The following SMAP1 variants were observed in gnomAD, a reference collection of about 807,000 sequenced individuals.
The protein encoded by SMAP1 is stromal membrane-associated protein 1.
Under a neutral mutation model 58.5 loss-of-function variants are expected in SMAP1, and 24 were observed. That is an observed-to-expected ratio of 0.41 (90% CI 0.30 to 0.58). The LOEUF is 0.58. SMAP1 is among the 20% of genes least tolerant of loss of function. The pLI, the probability that SMAP1 is intolerant of heterozygous loss-of-function variation, is 0.29. For synonymous variants in SMAP1, 216 were observed against 196.6 expected (o/e 1.10, Z -0.82); for missense variants, 563 against 566.3 (o/e 0.99, Z 0.06).
At chr6:70,762,370 C>G (rs1485029334) in intron 3 of SMAP1, among the ~76,000 whole-genome samples, 1 of 152,044 alleles carries the variant, frequency 6.6e-6, no homozygotes, top group Non-Finnish European at 1.5e-5. Flanking sequence ...CCAACTGTCC[C>G]ACAAAGCCTA....
intron 1 of SMAP1, among the ~76,000 whole-genome samples, chr6:70,710,095 G>A (rs1371474764): frequency 1.3e-5 from 2 of 152,078 alleles, no homozygotes; most frequent in Admixed American, 1.3e-4. Flanking sequence ...CGACAAACCT[G>A]TACAGCCTGT....
intron 6 of SMAP1, among the ~76,000 whole-genome samples, chr6:70,808,737 ATAAT>A (rs1769253948): frequency 6.6e-6 from 1 of 152,334 alleles, no homozygotes; most frequent in South Asian, 2.1e-4. Flanking sequence ...AGATAGCTAC[ATAAT>A]TAGTTTTTAT....
chr6:70,812,042 C>T (rs764452096), intron 6 of SMAP1, among the ~76,000 whole-genome samples: 7 of 152,108 alleles, frequency 4.6e-5, no homozygotes, highest in African/African-American at 1.2e-4. Flanking sequence ...TACTCAGAAC[C>T]GTGTGTAATT....
chr6:70,804,369 T>C (rs1334976294), intron 6 of SMAP1, among the ~76,000 whole-genome samples: 2 of 152,068 alleles, frequency 1.3e-5, no homozygotes, highest in Admixed American at 6.6e-5. Context: ...ATCCCTTTAT[T>C]TTGAGCCTAT....
At chr6:70,678,573 A>G (rs191884529) in intron 1 of SMAP1, among the ~76,000 whole-genome samples, 85 of 152,332 alleles carry the variant, frequency 5.6e-4, no homozygotes, top group African/African-American at 2.0e-3. Flanking sequence ...AAAAAATCCT[A>G]CAAACTGAAT....
At chr6:70,697,667 AT>A (rs1417083869) in intron 1 of SMAP1, among the ~76,000 whole-genome samples, 8 of 151,802 alleles carry the variant, frequency 5.3e-5, no homozygotes, top group Non-Finnish European at 1.2e-4. Context: ...ATTGCTTTTT[AT>A]TTTTTATGTA....
At chr6:70,824,293 T>C (rs1261039850) in intron 6 of SMAP1, among the ~76,000 whole-genome samples, 1 of 152,120 alleles carries the variant, frequency 6.6e-6, no homozygotes, top group Admixed American at 6.5e-5. Flanking sequence ...ATTTCAGCAG[T>C]CATAAGGTCA....
At chr6:70,824,481 CTG>C (rs1770029789) in intron 6 of SMAP1, among the ~76,000 whole-genome samples, 1 of 151,970 alleles carries the variant, frequency 6.6e-6, no homozygotes, top group Non-Finnish European at 1.5e-5. Flanking sequence ...TCCACAGTCT[CTG>C]TACTTATGAA....
intron 3 of SMAP1, among the ~76,000 whole-genome samples, chr6:70,765,405 C>A (rs1013470613): frequency 6.6e-5 from 10 of 152,162 alleles, no homozygotes; most frequent in African/African-American, 2.2e-4. Context: ...AGACCCATAA[C>A]ATGTCTAATA....
intron 4 of SMAP1, among the ~76,000 whole-genome samples, chr6:70,775,077 G>A (rs1767493768): frequency 6.6e-6 from 1 of 152,012 alleles, no homozygotes; most frequent in African/African-American, 2.4e-5. Context: ...ATATCCTTGT[G>A]TGTAGCATTG....
chr6:70,751,191 G>C (rs1449233945), intron 2 of SMAP1, among the ~76,000 whole-genome samples: 1 of 152,190 alleles, frequency 6.6e-6, no homozygotes, highest in Non-Finnish European at 1.5e-5. Context: ...AGTGAGCCAA[G>C]ATTGTGCCAC....
intron 1 of SMAP1, among the ~76,000 whole-genome samples, chr6:70,672,503 T>G (rs1346271335): frequency 6.6e-6 from 1 of 152,242 alleles, no homozygotes; most frequent in Non-Finnish European, 1.5e-5. Context: ...CTGAATCTTT[T>G]ATTGCACTTA....
chr6:70,804,414 A>G (rs1329392120), intron 6 of SMAP1, among the ~76,000 whole-genome samples: 1 of 151,476 alleles, frequency 6.6e-6, no homozygotes, highest in Non-Finnish European at 1.5e-5. Flanking sequence ...TCTCCTGAAT[A>G]CAGCACGCTG....
At chr6:70,846,092 A>T (rs559970591) in intron 7 of SMAP1, among the ~76,000 whole-genome samples, 5 of 152,284 alleles carry the variant, frequency 3.3e-5, no homozygotes, top group Admixed American at 6.5e-5. Context: ...TTTACAGGAG[A>T]AGGATCAGCT....
intron 3 of SMAP1, among the ~76,000 whole-genome samples, chr6:70,765,737 AT>A (rs1218348203): frequency 2.6e-5 from 4 of 151,278 alleles, no homozygotes; most frequent in African/African-American, 9.7e-5. Flanking sequence ...TTTATTTTTT[AT>A]TTATTTTTAT....
intron 5 of SMAP1, among the ~76,000 whole-genome samples, chr6:70,792,187 A>G (rs540018587): frequency 6.6e-6 from 1 of 152,310 alleles, no homozygotes; most frequent in East Asian, 1.9e-4. Flanking sequence ...TTATGGGATA[A>G]TGAGTTCAGA....
Position 70,736,094 on chromosome 6 carries a change from T to TG in SMAP1, c.252+3583_252+3584insG, listed in dbSNP as rs1765607096. On this transcript the variant is annotated intron_variant, in intron 2 of 10. Transcript: ENST00000370455. ...ATAAACTGATATTATATGTACCATA[T>TG]TTTTATCTGTTATTTATGTATATGT... is the stretch of plus-strand genomic sequence containing the variant. 2.0e-5 allele frequency among the ~76,000 whole-genome samples: 3 copies of TG among 152,298 alleles called. No homozygotes were observed. In the South Asian group the frequency reaches 6.2e-4, roughly 32 times the overall value.
intron 1 of SMAP1, among the ~76,000 whole-genome samples, chr6:70,705,720 GAC>G (rs1250058494): frequency 6.6e-6 from 1 of 152,184 alleles, no homozygotes; most frequent in African/African-American, 2.4e-5. Flanking sequence ...GGAGGGGAGT[GAC>G]AGGTATAGCG....
At chr6:70,669,935 C>G (rs1301647812) in intron 1 of SMAP1, among the ~76,000 whole-genome samples, 10 of 151,680 alleles carry the variant, frequency 6.6e-5, no homozygotes. Flanking sequence ...TTTTAAAAGC[C>G]ATTATTAACC....
Sources: gnomAD v4.1 joint callset for allele counts (sites outside exome capture counted in the v4.1 genomes callset) on GRCh38, gnomAD v4.1.1 for gene constraint, MANE v1.5 for transcripts, NCBI Gene and HGNC (gene_info 2026-07-23, HGNC 2026-07-21) for gene names.